ZFAT: variants seen among roughly 807,000 people sequenced by gnomAD.
The protein encoded by ZFAT is zinc finger protein ZFAT.
Under a neutral mutation model 117.7 loss-of-function variants are expected in ZFAT, and 64 were observed. The ratio of observed to expected loss-of-function variants is 0.54; its 90% confidence interval spans 0.44 to 0.67. ZFAT has a LOEUF of 0.67. ZFAT is among the 30% of genes least tolerant of loss of function. The pLI, the probability that ZFAT is intolerant of heterozygous loss-of-function variation, is 0.00. For synonymous variants in ZFAT, 679 were observed against 615.0 expected (o/e 1.10, Z -1.54); for missense variants, 1,433 against 1,584.5 (o/e 0.90, Z 1.62).
At chr8:134,725,960 GACTTATTCCATTA>G in the ZFAT span, among the ~76,000 whole-genome samples, 2 of 152,062 alleles carry the variant, frequency 1.3e-5, no homozygotes, top group Non-Finnish European at 1.5e-5. Context: ...TTAATTAGTG[GACTTATTCCATTA>G]ACTTATTCCA....
At chr8:134,637,896 G>A (rs1355238751) in intron 2 of ZFAT, among the ~76,000 whole-genome samples, 184 bp from the exon 3 acceptor site, 1 of 152,192 alleles carries the variant, frequency 6.6e-6, no homozygotes, top group Non-Finnish European at 1.5e-5. Flanking sequence ...TTGCATCTGT[G>A]TACTAATGGG....
intron 11 of ZFAT, among the ~76,000 whole-genome samples, chr8:134,541,621 G>T (rs1586673223): frequency 6.6e-6 from 1 of 152,116 alleles, no homozygotes; most frequent in East Asian, 1.9e-4. Context: ...AGGAGGAAAG[G>T]AAGAAAGAAA....
chr8:134,772,010 A>T, the ZFAT span, among the ~76,000 whole-genome samples: 1 of 152,194 alleles, frequency 6.6e-6, no homozygotes, highest in Non-Finnish European at 1.5e-5. Flanking sequence ...CATGGGGAGA[A>T]CCTGCCATGA....
intron 10 of ZFAT, among the ~76,000 whole-genome samples, chr8:134,571,215 CA>C (rs1824870801): frequency 6.6e-6 from 1 of 152,154 alleles, no homozygotes; most frequent in Admixed American, 6.5e-5. Flanking sequence ...AGGACAAAGG[CA>C]AGGAGCCATG....
At chr8:134,534,775 A>AAGAGAGAGAGAGAGAGAGAGAG (rs36097833) in intron 11 of ZFAT, among the ~76,000 whole-genome samples, 6 of 136,344 alleles carry the variant, frequency 4.4e-5, no homozygotes, top group Admixed American at 3.0e-4. Flanking sequence ...GAGAGGGAGA[A>AAGAGAGAGAGAGAGAGAGAGAG]AGAGAGAGAG....
the ZFAT span, among the ~76,000 whole-genome samples, chr8:134,722,148 C>T: frequency 1.3e-5 from 2 of 151,964 alleles, no homozygotes; most frequent in African/African-American, 2.4e-5. Flanking sequence ...ACACCACTCA[C>T]GGGAGAAAAA....
In ZFAT at chr8:134,520,966, C is replaced by A. The variant is rs1820611740; in HGVS notation, c.3151G>T (p.Gly1051Cys). The A allele has an allele frequency of 6.2e-7, 1 of 1,613,650 alleles. No individual in the cohort carries two copies. The highest frequency in any genetic ancestry group is 1.3e-5 in the African/African-American group (1 of 74,868). The change falls in exon 13 of 16, where the codon GGC becomes TGC. Residue 1051 changes from glycine to cysteine, a missense_variant. Coordinates refer to ENST00000377838, the MANE Select transcript of ZFAT (RefSeq NM_020863.4). ...TGCCTATTGAACTCCCATTTGGTGCCATATACAAAGCTGCAAACAGGACAC... is the reference window on the plus strand; with the variant it reads ...TGCCTATTGAACTCCCATTTGGTGCAATATACAAAGCTGCAAACAGGACAC... ...LKCPVCSFVYGTKWEFNRHLK... is the reference protein window; with the variant it reads ...LKCPVCSFVYCTKWEFNRHLK...
the ZFAT span, among the ~76,000 whole-genome samples, chr8:134,740,635 GA>G: frequency 3.5e-4 from 53 of 152,010 alleles, no homozygotes; most frequent in African/African-American, 1.3e-3. Flanking sequence ...TCAACCTAGA[GA>G]AAAAACAAAG....
the ZFAT span, among the ~76,000 whole-genome samples, chr8:134,806,752 T>C: frequency 6.6e-6 from 1 of 152,254 alleles, no homozygotes; most frequent in Non-Finnish European, 1.5e-5. Context: ...TATGACTTTG[T>C]ATAATATATT....
the ZFAT span, among the ~76,000 whole-genome samples, chr8:134,790,246 TC>T: frequency 2.6e-5 from 4 of 152,318 alleles, no homozygotes; most frequent in African/African-American, 9.6e-5. Flanking sequence ...GATGTCCTAG[TC>T]TAACCCCCTA....
At chr8:134,734,286 G>T in the ZFAT span, among the ~76,000 whole-genome samples, 3 of 152,168 alleles carry the variant, frequency 2.0e-5, no homozygotes, top group Non-Finnish European at 2.9e-5. Context: ...CACTTCCGGC[G>T]GCTCCTGTCG....
At chr8:134,738,731 AG>A in the ZFAT span, among the ~76,000 whole-genome samples, 1 of 152,086 alleles carries the variant, frequency 6.6e-6, no homozygotes, top group African/African-American at 2.4e-5. Context: ...ATGAACGAGG[AG>A]GGGGAGGTAA....
intron 15 of ZFAT, 66 bp downstream of exon 15, chr8:134,509,553 G>C (rs1819655528): frequency 6.2e-7 from 1 of 1,602,924 alleles, no homozygotes; most frequent in Non-Finnish European, 8.5e-7. Context: ...TAGAAACACA[G>C]GGAGAAGGAG....
intron 1 of ZFAT, among the ~76,000 whole-genome samples, chr8:134,680,782 G>A (rs72721910): frequency 6.6e-5 from 10 of 152,260 alleles, no homozygotes; most frequent in Non-Finnish European, 1.0e-4. Context: ...CGTACCTGAT[G>A]CCACTAAACT....
At chr8:134,615,993 A>G (rs1828701546) in intron 3 of ZFAT, among the ~76,000 whole-genome samples, 1 of 152,236 alleles carries the variant, frequency 6.6e-6, no homozygotes, top group African/African-American at 2.4e-5. Context: ...TTTAGGGAGT[A>G]TCAAATAACT....
rs924171660 is a variant in ZFAT, at chr8:134,512,328, C to A, written c.3361+147G>T. The A allele has an allele frequency of 1.2e-5, 14 of 1,198,660 alleles. No individual in the cohort carries two copies. The Admixed American group carries it at 3.2e-4, about 27-fold the overall frequency. The allele number at this position is 1,198,660 out of a possible 1,614,324, so 74.3% of individuals were successfully genotyped here. On this transcript the variant is annotated intron_variant, in intron 14 of 15. Coordinates refer to ENST00000377838, the MANE Select transcript of ZFAT (RefSeq NM_020863.4). ...GGAGGCAGAGATCTCTGGGGGCTGG[C>A]AATGGGGCTGCTTCTGCAGTCTGAA... is the stretch of plus-strand genomic sequence containing the variant.
At chr8:134,579,658 G>A (rs185008762) in intron 10 of ZFAT, among the ~76,000 whole-genome samples, 34 of 152,202 alleles carry the variant, frequency 2.2e-4, no homozygotes, top group Admixed American at 4.6e-4. Context: ...CACCTAAGGT[G>A]TCAAGAAAAA....
chr8:134,569,650 G>A (rs555925070), intron 10 of ZFAT, among the ~76,000 whole-genome samples: 24 of 152,234 alleles, frequency 1.6e-4, no homozygotes, highest in African/African-American at 5.3e-4. Context: ...CCCATCTGCT[G>A]TGAGGATGGG....
At chr8:134,608,040 A>G (rs1042099155) in intron 5 of ZFAT, among the ~76,000 whole-genome samples, 3 of 152,250 alleles carry the variant, frequency 2.0e-5, no homozygotes, top group Non-Finnish European at 4.4e-5. Flanking sequence ...ATTGTCCGTA[A>G]TAGTAAAAAC....
Sources: allele counts gnomAD v4.1 joint callset (sites outside exome capture counted in the v4.1 genomes callset), GRCh38; gene constraint gnomAD v4.1.1; transcripts MANE v1.5; gene names NCBI Gene and HGNC (gene_info 2026-07-23, HGNC 2026-07-21).